TELO2: variants seen among roughly 807,000 people sequenced by gnomAD.
TELO2 encodes telomere length regulation protein TEL2 homolog.
Under a neutral mutation model 91.0 loss-of-function variants are expected in TELO2, and 71 were observed. The ratio of observed to expected loss-of-function variants is 0.78; its 90% CI spans 0.64 to 0.95. The LOEUF (loss-of-function observed/expected upper bound fraction) is 0.95, where lower values mean the gene tolerates loss of function less well. Among genes scored for constraint, TELO2 ranks in the 40% least tolerant of loss-of-function variants. The pLI is 0.00. For synonymous variants in TELO2, 584 were observed against 518.9 expected, an observed-to-expected ratio of 1.13 and a Z score of -1.71; for missense variants, 1,183 against 1,141.3, an observed-to-expected ratio of 1.04 and a Z score of -0.53.
intron 6 of TELO2, among the ~76,000 whole-genome samples, 166 bp from the exon 7 acceptor site, chr16:1,499,930 G>A (rs545245864): frequency 9.2e-5 from 14 of 152,358 alleles, no homozygotes; most frequent in African/African-American, 3.1e-4. Context: ...CAGCTTCTGC[G>A]GGAGGGGAGG....
At chr16:1,503,892 G>C (rs1403177984) in intron 15 of TELO2, among the ~76,000 whole-genome samples, 1 of 152,134 alleles carries the variant, frequency 6.6e-6, no homozygotes, top group Admixed American at 6.5e-5. Flanking sequence ...AGTGCTGTGG[G>C]AGACCAAAGT....
At chr16:1,501,530 G>A (rs1423301973) in intron 10 of TELO2, 31 bp downstream of exon 10, 18 of 1,591,094 alleles carry the variant, frequency 1.1e-5, no homozygotes, top group East Asian at 9.0e-5. Flanking sequence ...GGACCCCACC[G>A]CGTGCACATC....
At position 1,507,365 on chromosome 16, in the gene TELO2, C is replaced by T. The variant is rs1186894760; in HGVS notation, c.2286C>T (p.Ile762=). Residue 762 remains isoleucine, a synonymous_variant, in exon 19 of 21, where the codon ATC becomes ATT. Coordinates refer to ENST00000262319, the MANE Select transcript of TELO2 (RefSeq NM_016111.4). The part of the protein sequence containing the change: ...LEFVWALRFH[I]DAYVRQGLLS... ...TCGTGTGGGCCCTTCGCTTCCACAT[C>T]GATGCGTGAGTGGCCTGTGGGGCTG... 5.0e-6 allele frequency: 8 copies of T among 1,610,716 alleles called. No homozygotes were observed. Among genetic ancestry groups the T allele is most frequent in the South Asian group, 1.1e-5 (1 of 91,030 alleles).
chr16:1,507,448 C>G (rs942938571), intron 19 of TELO2, 78 bp downstream of exon 19: 4 of 1,563,542 alleles, frequency 2.6e-6, no homozygotes, highest in Non-Finnish European at 3.5e-6. Flanking sequence ...CCCGTGGAGC[C>G]TCGAGGTGGC....
Position 1,500,466 on chromosome 16 carries a change from G to T in TELO2, c.1122G>T (p.Pro374=). 2 of 1,610,826 alleles carry T rather than the reference G, an allele frequency of 1.2e-6. No individual in the cohort carries two copies. Among genetic ancestry groups the T allele is most frequent in the Non-Finnish European group, 1.7e-6 (2 of 1,179,324 alleles). The part of the protein sequence containing the change: ...VLICLAQLGE[P]ELRDSRDELL... Reference sequence around the variant, plus strand: ...TCTGCCTGGCGCAACTCGGGGAGCCGGAACTGCGGGACAGCCGGGATGGTG... The same window carrying T: ...TCTGCCTGGCGCAACTCGGGGAGCCTGAACTGCGGGACAGCCGGGATGGTG... The change falls in exon 8 of 21, where the codon CCG becomes CCT. Residue 374 remains proline (P), a synonymous_variant. Coordinates refer to ENST00000262319, the MANE Select transcript of TELO2 (RefSeq NM_016111.4).
Position 1,495,606 on chromosome 16 carries a change from T to C in TELO2, c.596T>C (p.Val199Ala), listed in dbSNP as rs1384628393. ...GAGGTCGTCCGGGTGCTGCAGGCGG[T>C]TGTGGACTCTCTCCAAGGTGAGGCC... ...GEEVVRVLQAVVDSLQGGLDS... is the reference protein window; with the variant it reads ...GEEVVRVLQAAVDSLQGGLDS... The change falls in exon 3 of 21, where the codon GTT becomes GCT. Residue 199 changes from valine to alanine, a missense_variant. By Grantham distance (64) the Val-to-Ala change is moderately conservative. Coordinates refer to ENST00000262319, the MANE Select transcript of TELO2 (RefSeq NM_016111.4). 3.7e-6 allele frequency: 6 copies of C among 1,600,190 alleles called. No homozygotes were observed. Among genetic ancestry groups the C allele is most frequent in the Non-Finnish European group, 5.1e-6 (6 of 1,171,240 alleles).
Position 1,510,026 on chromosome 16 carries a change from G to A in TELO2, c.*90G>A, listed in dbSNP as rs1002131580. 10 of 1,192,098 alleles carry A rather than the reference G, an allele frequency of 8.4e-6. No individual in the cohort carries two copies. In the Admixed American group the frequency reaches 8.4e-5, roughly 10 times the overall value. 73.8% of individuals were successfully genotyped at this position (1,192,098 alleles called of 1,614,324 possible). ...GAGCAGCAGAGCCAGGCTTTGTAGC[G>A]AGGCCAGGTCTTCGGCCGCATCCGG... On this transcript the variant is annotated 3_prime_UTR_variant, in exon 21 of 21. Transcript: ENST00000262319.
rs913412675 is a variant in TELO2, at chr16:1,495,738, T to C, written c.613+115T>C. 6 of 1,403,098 alleles carry C rather than the reference T, an allele frequency of 4.3e-6. 1 individual carries two copies. The South Asian group carries it at 5.6e-5, about 13-fold the overall frequency. The allele number at this position is 1,403,098 out of a possible 1,614,324, so 86.9% of individuals were successfully genotyped here. On this transcript the variant is annotated intron_variant, in intron 3 of 20. Coordinates refer to ENST00000262319, the MANE Select transcript of TELO2 (RefSeq NM_016111.4). Reference sequence around the variant, plus strand: ...ACTTTGGAGTCTCTGGTTGATGCCGTCAGGCAGGTGGGGATGTCCCTGTCC... The same window carrying C: ...ACTTTGGAGTCTCTGGTTGATGCCGCCAGGCAGGTGGGGATGTCCCTGTCC...
intron 2 of TELO2, 30 bp from the exon 3 acceptor site, chr16:1,495,316 C>A: frequency 6.6e-7 from 1 of 1,508,774 alleles, no homozygotes; most frequent in Non-Finnish European, 8.9e-7. Flanking sequence ...TGGGGGTTGG[C>A]GGCTCTGCCC....
In TELO2 at chr16:1,501,512, G is replaced by T; in HGVS notation, c.1361+13G>T. The T allele has an allele frequency of 6.2e-7, 1 of 1,602,518 alleles. No homozygotes were observed. Among genetic ancestry groups the T allele is most frequent in the Non-Finnish European group, 8.5e-7 (1 of 1,174,108 alleles). ...CCTCGGAGGCGGGGTGAGGGTCTCT[G>T]CCCCCCGGGACCCCACCGCGTGCAC... On this transcript the variant is annotated intron_variant, in intron 10 of 20. Transcript: ENST00000262319.
chr16:1,502,011 C>T (rs1254001011), intron 11 of TELO2, 36 bp from the exon 12 acceptor site: 7 of 1,612,090 alleles, frequency 4.3e-6, no homozygotes, highest in Non-Finnish European at 4.2e-6. Context: ...CTGTCACAGG[C>T]CATGGGCTGC....
At chr16:1,496,045 A>G (rs1017321836) in intron 3 of TELO2, among the ~76,000 whole-genome samples, 2 of 152,154 alleles carry the variant, frequency 1.3e-5, no homozygotes, top group African/African-American at 4.8e-5. Context: ...GGCTGCCGCG[A>G]GTGTGCGTTT....
intron 6 of TELO2, among the ~76,000 whole-genome samples, 157 bp from the exon 7 acceptor site, chr16:1,499,939 G>T (rs1302066061): frequency 6.6e-6 from 1 of 152,242 alleles, no homozygotes; most frequent in Non-Finnish European, 1.5e-5. Flanking sequence ...CGGGAGGGGA[G>T]GGGTCCCGCA....
intron 15 of TELO2, among the ~76,000 whole-genome samples, chr16:1,504,800 G>T (rs543396007): frequency 2.0e-5 from 3 of 151,860 alleles, no homozygotes; most frequent in African/African-American, 4.8e-5. Flanking sequence ...CTCGTGATCC[G>T]CCCGCCTCAG....
intron 19 of TELO2, 26 bp from the exon 20 acceptor site, chr16:1,507,575 C>G (rs1450099077): frequency 1.3e-6 from 2 of 1,560,056 alleles, no homozygotes; most frequent in Non-Finnish European, 1.7e-6. Flanking sequence ...CCCTGCCGAG[C>G]TCAGCCCCCG....
At chr16:1,496,954 C>A in intron 3 of TELO2, 82 bp from the exon 4 acceptor site, 3 of 1,420,008 alleles carry the variant, frequency 2.1e-6, no homozygotes, top group Non-Finnish European at 2.9e-6. Flanking sequence ...GTCCGCCTGA[C>A]CGAGAGCAGC....
At chr16:1,501,534 G>A in intron 10 of TELO2, 35 bp downstream of exon 10, 1 of 1,588,978 alleles carries the variant, frequency 6.3e-7, no homozygotes, top group Non-Finnish European at 8.6e-7. Context: ...CCCACCGCGT[G>A]CACATCTTAC....
intron 12 of TELO2, 77 bp from the exon 13 acceptor site, chr16:1,502,236 T>C: frequency 1.3e-6 from 2 of 1,568,436 alleles, no homozygotes; most frequent in Non-Finnish European, 1.7e-6. Context: ...GGGCCCGGGG[T>C]GCCGCCCGTG....
chr16:1,496,925 A>G (rs1043150529), intron 3 of TELO2, 111 bp from the exon 4 acceptor site: 1 of 1,053,096 alleles, frequency 9.5e-7, no homozygotes, highest in Non-Finnish European at 1.4e-6. Context: ...GTTTTGAGTG[A>G]GTTTTGCTGT....
Sources: gnomAD v4.1 joint callset for allele counts (sites outside exome capture counted in the v4.1 genomes callset) on GRCh38, gnomAD v4.1.1 for gene constraint, MANE v1.5 for transcripts, NCBI Gene and HGNC (gene_info 2026-07-23, HGNC 2026-07-21) for gene names.